Variants in SUGCT observed in about 807,000 individuals in gnomAD.
SUGCT encodes succinyl-CoA:glutarate-CoA transferase, also known as succinyl-CoA:glutarate CoA-transferase.
A neutral mutation model predicts 55.0 loss-of-function variants in SUGCT; 41 were observed. The ratio of observed to expected loss-of-function variants is 0.74; its 90% confidence interval spans 0.58 to 0.97. The LOEUF (loss-of-function observed/expected upper bound fraction) is 0.97, where lower values mean the gene tolerates loss of function less well. Ranked by LOEUF, SUGCT falls within the 50% of genes least tolerant of loss-of-function variation. The pLI, the probability that SUGCT is intolerant of heterozygous loss-of-function variation, is 0.00. For synonymous variants in SUGCT, 187 were observed against 200.4 expected (o/e 0.93, Z 0.56); for missense variants, 568 against 547.8 (o/e 1.04, Z -0.37).
intron 11 of SUGCT, among the ~76,000 whole-genome samples, chr7:40,461,709 C>T (rs1054402232): frequency 2.0e-5 from 3 of 152,180 alleles, no homozygotes; most frequent in African/African-American, 4.8e-5. Context: ...ACAGCCACCT[C>T]AGAACTTGCA....
At chr7:40,833,062 A>G (rs1325537070) in intron 13 of SUGCT, among the ~76,000 whole-genome samples, 2 of 150,624 alleles carry the variant, frequency 1.3e-5, no homozygotes. Context: ...AGGTCTGCAT[A>G]TTTTACCTCT....
Position 40,178,418 on chromosome 7 carries a change from G to C in SUGCT, c.101-2529G>C, listed in dbSNP as rs151267318. 2.0e-3 allele frequency among the ~76,000 whole-genome samples: 305 copies of C among 152,158 alleles called. 1 individual carries two copies. Among genetic ancestry groups the C allele is most frequent in the African/African-American group, 7.0e-3 (292 of 41,536 alleles). On this transcript the variant is annotated intron_variant, in intron 1 of 13. Coordinates refer to ENST00000335693, the MANE Select transcript of SUGCT (RefSeq NM_001193313.2). Reference sequence around the variant, plus strand: ...TTTGAAAGTAATTTTTCCGAGAAAGGATGCATGAGAGGTAGTTTTTGAAAA... The same window carrying C: ...TTTGAAAGTAATTTTTCCGAGAAAGCATGCATGAGAGGTAGTTTTTGAAAA...
intron 13 of SUGCT, among the ~76,000 whole-genome samples, chr7:40,784,897 A>G (rs1409472606): frequency 1.3e-5 from 2 of 152,202 alleles, no homozygotes; most frequent in African/African-American, 4.8e-5. Flanking sequence ...ATTAACATAT[A>G]CATCTATAGG....
rs573318506 is a variant in SUGCT, at chr7:40,390,128, C to T, written c.817-59159C>T. Among the ~76,000 whole-genome samples, 12 of 152,178 alleles carry T rather than the reference C, an allele frequency of 7.9e-5. No homozygotes were observed. In the South Asian group the frequency reaches 1.5e-3, roughly 18 times the overall value. Reference sequence around the variant, plus strand: ...CTCAATAAAGTAGGTATTGATGGGACGTATCTCAAAATAATATGAGCTATT... The same window carrying T: ...CTCAATAAAGTAGGTATTGATGGGATGTATCTCAAAATAATATGAGCTATT... On this transcript the variant is annotated intron_variant, in intron 9 of 13. Transcript: ENST00000335693.
At chr7:40,321,222 A>C (rs12216598) in intron 9 of SUGCT, among the ~76,000 whole-genome samples, 19 of 150,194 alleles carry the variant, frequency 1.3e-4, no homozygotes, top group Admixed American at 2.7e-4. Context: ...ATTACAGGCA[A>C]ACGCCATCAC....
intron 9 of SUGCT, among the ~76,000 whole-genome samples, chr7:40,439,446 A>G (rs1193428128): frequency 2.6e-5 from 4 of 151,902 alleles, no homozygotes; most frequent in African/African-American, 7.3e-5. Context: ...TTTCCTACAC[A>G]TATATCTTTT....
At chr7:40,511,518 C>A (rs1165372731) in intron 12 of SUGCT, among the ~76,000 whole-genome samples, 2 of 152,058 alleles carry the variant, frequency 1.3e-5, no homozygotes, top group East Asian at 1.9e-4. Flanking sequence ...AGCCCTGTAT[C>A]CATTTTAATT....
rs185538026 is a variant in SUGCT, at chr7:40,158,085, T to C, written c.101-22862T>C. Among the ~76,000 whole-genome samples, 15 of 152,166 alleles carry C rather than the reference T, an allele frequency of 9.9e-5. No homozygotes were observed. The East Asian group carries it at 2.7e-3, about 28-fold the overall frequency. ...AGCCAGGTATGGTTGTGCGTGTCTG[T>C]AATCCCAGCTACTCAGGAGGCTGAG... On this transcript the variant is annotated intron_variant, in intron 1 of 13. Transcript: ENST00000335693.
At chr7:40,252,953 T>G (rs763591985) in intron 7 of SUGCT, among the ~76,000 whole-genome samples, 3 of 152,234 alleles carry the variant, frequency 2.0e-5, no homozygotes, top group Non-Finnish European at 2.9e-5. Context: ...GGCTAAAACT[T>G]ATTAAAGCTA....
At chr7:40,703,198 G>C (rs1038460810) in intron 12 of SUGCT, among the ~76,000 whole-genome samples, 4 of 151,948 alleles carry the variant, frequency 2.6e-5, no homozygotes, top group Non-Finnish European at 5.9e-5. Flanking sequence ...CCGAGTAGCT[G>C]GGATCACAGG....
chr7:40,910,105 T>C, the SUGCT span, among the ~76,000 whole-genome samples: 2 of 152,160 alleles, frequency 1.3e-5, no homozygotes, highest in East Asian at 3.9e-4. Context: ...TTCCTTTTTT[T>C]TTTCCTTCTT....
chr7:40,898,481 G>GGGGGGGGC, the SUGCT span, among the ~76,000 whole-genome samples: 2 of 100,260 alleles, frequency 2.0e-5, no homozygotes, highest in Non-Finnish European at 2.2e-5. Context: ...CCGGGAGGTC[G>GGGGGGGGC]GGGGGGGGGG....
At chr7:40,529,885 A>G (rs888587064) in intron 12 of SUGCT, among the ~76,000 whole-genome samples, 1 of 152,232 alleles carries the variant, frequency 6.6e-6, no homozygotes, top group African/African-American at 2.4e-5. Context: ...TATTCATTCT[A>G]TGTTCAAAGG....
At chr7:40,499,860 T>C (rs1476573538) in intron 12 of SUGCT, among the ~76,000 whole-genome samples, 1 of 152,204 alleles carries the variant, frequency 6.6e-6, no homozygotes, top group Non-Finnish European at 1.5e-5. Flanking sequence ...TTTCAAAAAC[T>C]TACTAGATGA....
chr7:40,649,102 G>T (rs1471878301), intron 12 of SUGCT, among the ~76,000 whole-genome samples: 1 of 151,668 alleles, frequency 6.6e-6, no homozygotes, highest in African/African-American at 2.4e-5. Flanking sequence ...GGTTACTTAG[G>T]TTTCCATTTT....
the SUGCT span, among the ~76,000 whole-genome samples, chr7:40,902,662 T>C: frequency 6.6e-6 from 1 of 152,124 alleles, no homozygotes; most frequent in Non-Finnish European, 1.5e-5. Context: ...CTCCTTGTAT[T>C]TCTTTTGGAA....
intron 1 of SUGCT, among the ~76,000 whole-genome samples, chr7:40,144,360 A>G (rs1788139046): frequency 6.6e-6 from 1 of 152,206 alleles, no homozygotes; most frequent in South Asian, 2.1e-4. Flanking sequence ...TAGATGAAAG[A>G]GAGTGAAATT....
intron 11 of SUGCT, among the ~76,000 whole-genome samples, chr7:40,483,627 G>A (rs75306795): frequency 2.0e-4 from 30 of 151,670 alleles, no homozygotes; most frequent in Non-Finnish European, 3.5e-4. Context: ...TGTAATTTAT[G>A]TAACTGATAA....
intron 12 of SUGCT, among the ~76,000 whole-genome samples, chr7:40,719,504 C>T (rs1786204201): frequency 1.3e-5 from 2 of 152,258 alleles, no homozygotes; most frequent in African/African-American, 4.8e-5. Flanking sequence ...GCCAGGGGAC[C>T]TTAAAACCTG....
Sources: gnomAD v4.1 joint callset for allele counts (sites outside exome capture counted in the v4.1 genomes callset) on GRCh38, gnomAD v4.1.1 for gene constraint, MANE v1.5 for transcripts, NCBI Gene and HGNC (gene_info 2026-07-23, HGNC 2026-07-21) for gene names.